Variants in LRP1B observed in about 807,000 individuals in gnomAD.
LRP1B encodes low-density lipoprotein receptor-related protein 1B.
Under a neutral mutation model 556.6 loss-of-function variants are expected in LRP1B, and 217 were observed. The ratio of observed to expected loss-of-function variants is 0.39; its 90% CI spans 0.35 to 0.44. The LOEUF is 0.44. Ranked by LOEUF, LRP1B falls within the 20% of genes least tolerant of loss-of-function variation. LRP1B has a pLI of 1.00. For missense variants in LRP1B, 5,053 were observed against 5,620.8 expected, an observed-to-expected ratio of 0.90 and a Z score of 3.23; for synonymous variants, 2,047 against 1,865.8, an observed-to-expected ratio of 1.10 and a Z score of -2.50.
At chr2:140,625,111 T>C (rs1683608695) in intron 41 of LRP1B, among the ~76,000 whole-genome samples, 1 of 152,202 alleles carries the variant, frequency 6.6e-6, no homozygotes, top group Non-Finnish European at 1.5e-5. Flanking sequence ...AACCAAACTA[T>C]GAACAGTTGT....
Position 142,130,822 on chromosome 2 carries a change from T to G in LRP1B, c.-93A>C, listed in dbSNP as rs966185570. The G allele has an allele frequency of 2.1e-5, 20 of 953,298 alleles. No individual in the cohort carries two copies. The East Asian group carries it at 5.0e-4, about 24-fold the overall frequency. 59.1% of individuals were successfully genotyped at this position (953,298 alleles called of 1,614,324 possible). On this transcript the variant is annotated 5_prime_UTR_variant, in exon 1 of 91. Coordinates refer to ENST00000389484, the MANE Select transcript of LRP1B (RefSeq NM_018557.3). ...GCGGCGGCAGGGGCCGCTTGGAGCC[T>G]GGAATCGAGCGGCGTCATTTACAAA...
At chr2:141,720,256 G>T (rs181396560) in intron 2 of LRP1B, among the ~76,000 whole-genome samples, 2 of 152,196 alleles carry the variant, frequency 1.3e-5, no homozygotes, top group East Asian at 3.9e-4. Context: ...TAATTTCTCT[G>T]CTTCTTTTTA....
At chr2:140,306,702 T>TTG (rs1684082926) in intron 83 of LRP1B, among the ~76,000 whole-genome samples, 1 of 152,104 alleles carries the variant, frequency 6.6e-6, no homozygotes, top group South Asian at 2.1e-4. Flanking sequence ...CTGCTAGCTT[T>TTG]TGAATGTGTT....
chr2:141,260,241 C>T (rs1684633989), intron 3 of LRP1B, among the ~76,000 whole-genome samples: 1 of 152,156 alleles, frequency 6.6e-6, no homozygotes, highest in Admixed American at 6.5e-5. Flanking sequence ...ATACAAATAT[C>T]ACCCTCGGAA....
chr2:141,537,688 A>C (rs971819099), intron 2 of LRP1B, among the ~76,000 whole-genome samples: 15 of 152,158 alleles, frequency 9.9e-5, no homozygotes, highest in Non-Finnish European at 1.9e-4. Flanking sequence ...TATAGTCACA[A>C]GTATTTTCAG....
At chr2:141,069,679 A>C (rs2105480375) in intron 7 of LRP1B, among the ~76,000 whole-genome samples, 1 of 152,192 alleles carries the variant, frequency 6.6e-6, no homozygotes, top group African/African-American at 2.4e-5. Flanking sequence ...CCTAAAAGGT[A>C]ACGACACACT....
At chr2:140,466,320 T>C (rs866516690) in intron 60 of LRP1B, among the ~76,000 whole-genome samples, 1 of 152,124 alleles carries the variant, frequency 6.6e-6, no homozygotes, top group Non-Finnish European at 1.5e-5. Context: ...GAGATCTAGA[T>C]TCCTTTTTCC....
rs184525192 is a variant in LRP1B, at chr2:141,877,561, G to C, written c.83-67160C>G. Among the ~76,000 whole-genome samples the C allele has an allele frequency of 9.9e-5, 15 of 152,082 alleles. No homozygotes were observed. The East Asian group carries it at 2.5e-3, about 26-fold the overall frequency. On this transcript the variant is annotated intron_variant, in intron 1 of 90. Coordinates refer to ENST00000389484, the MANE Select transcript of LRP1B (RefSeq NM_018557.3). Reference sequence around the variant, plus strand: ...AAACTACAAGAAGGAAGGTGATATTGTCACTGAATCACTATGTGGAGCATA... The same window carrying C: ...AAACTACAAGAAGGAAGGTGATATTCTCACTGAATCACTATGTGGAGCATA...
chr2:141,544,382 C>CTTCT (rs1559131551), intron 2 of LRP1B, among the ~76,000 whole-genome samples: 15 of 65,726 alleles, frequency 2.3e-4, no homozygotes, highest in East Asian at 7.2e-4. Flanking sequence ...TCTTCTTCTT[C>CTTCT]TCCTCCTCCT....
chr2:140,980,361 C>A (rs1243504278), intron 18 of LRP1B, among the ~76,000 whole-genome samples: 1 of 152,084 alleles, frequency 6.6e-6, no homozygotes, highest in Non-Finnish European at 1.5e-5. Context: ...AGATATAGGA[C>A]CACACAATTA....
At chr2:141,046,180 G>T (rs1346338878) in intron 11 of LRP1B, among the ~76,000 whole-genome samples, 1 of 152,088 alleles carries the variant, frequency 6.6e-6, no homozygotes, top group East Asian at 1.9e-4. Context: ...AGATATTTAT[G>T]TTTATTTACA....
At position 141,229,304 on chromosome 2, in the gene LRP1B, A is replaced by G. The variant is rs750736529; in HGVS notation, c.729T>C (p.Asn243=). The G allele has an allele frequency of 2.8e-5, 45 of 1,612,602 alleles. No individual in the cohort carries two copies. Among genetic ancestry groups the G allele is most frequent in the Admixed American group, 1.0e-4 (6 of 59,940 alleles). ...ATTCAATCCAACAAATCATATCTTC[A>G]TTATAAATAAAATCCAGAGTATGAA... The part of the protein sequence containing the change: ...NEIHTLDFIY[N]EDMICWIESR... Residue 243 remains asparagine (N), a synonymous_variant, in exon 6 of 91, where the codon AAT becomes AAC. Transcript: ENST00000389484.
At chr2:141,025,544 A>G (rs930715893) in intron 11 of LRP1B, among the ~76,000 whole-genome samples, 8 of 152,062 alleles carry the variant, frequency 5.3e-5, no homozygotes, top group African/African-American at 1.9e-4. Context: ...GCCTCATCCA[A>G]TCAGTTGAAG....
intron 55 of LRP1B, among the ~76,000 whole-genome samples, chr2:140,501,350 T>C (rs1045950346): frequency 2.0e-5 from 3 of 151,980 alleles, no homozygotes; most frequent in Non-Finnish European, 4.4e-5. Flanking sequence ...GAAGAGAGAA[T>C]GAGGGAAGAA....
intron 18 of LRP1B, among the ~76,000 whole-genome samples, chr2:140,967,648 C>G (rs919601874): frequency 2.0e-5 from 3 of 151,474 alleles, no homozygotes; most frequent in African/African-American, 7.3e-5. Flanking sequence ...CCAGTTTTTG[C>G]CCATTCAGTA....
chr2:140,760,556 A>T lies in LRP1B; in HGVS notation c.5758+8657T>A, dbSNP rs189710390. 1.3e-3 allele frequency among the ~76,000 whole-genome samples: 197 copies of T among 152,308 alleles called. 1 individual carries two copies. In the Middle Eastern group the frequency reaches 0.02, roughly 16 times the overall value. On this transcript the variant is annotated intron_variant, in intron 35 of 90. Coordinates refer to ENST00000389484, the MANE Select transcript of LRP1B (RefSeq NM_018557.3). ...TTAGATATTTCTGGCCCTTGGCCTTATATTGCATGTTTTAAAATTGTTGTT... is the reference window on the plus strand; with the variant it reads ...TTAGATATTTCTGGCCCTTGGCCTTTTATTGCATGTTTTAAAATTGTTGTT...
At chr2:140,982,747 G>A (rs981227877) in intron 17 of LRP1B, among the ~76,000 whole-genome samples, 1 of 152,022 alleles carries the variant, frequency 6.6e-6, no homozygotes, top group African/African-American at 2.4e-5. Flanking sequence ...GGGTCGAATT[G>A]TCCTATTCCT....
intron 1 of LRP1B, among the ~76,000 whole-genome samples, chr2:141,969,150 T>C (rs1701652664): frequency 6.6e-6 from 1 of 151,340 alleles, no homozygotes; most frequent in South Asian, 2.1e-4. Context: ...CAAATTATAG[T>C]ATATATTTAT....
At chr2:141,023,008 GA>G (rs1220043177) in intron 11 of LRP1B, among the ~76,000 whole-genome samples, 7 of 150,296 alleles carry the variant, frequency 4.7e-5, no homozygotes, top group African/African-American at 7.3e-5. Flanking sequence ...TACTTCTTAA[GA>G]AAAAAAAATT....
Sources: allele counts gnomAD v4.1 joint callset (sites outside exome capture counted in the v4.1 genomes callset), GRCh38; gene constraint gnomAD v4.1.1; transcripts MANE v1.5; gene names NCBI Gene and HGNC (gene_info 2026-07-23, HGNC 2026-07-21).